PRKAR1B: variants seen among roughly 807,000 people sequenced by gnomAD.
The protein encoded by PRKAR1B is protein kinase cAMP-dependent type I regulatory subunit beta, also known as cAMP-dependent protein kinase type I-beta regulatory subunit.
In PRKAR1B, 22 loss-of-function variants were observed where a neutral mutation model predicts 46.5. That is an observed-to-expected ratio of 0.47 (90% CI 0.34 to 0.68). The LOEUF (loss-of-function observed/expected upper bound fraction) is 0.68, where lower values mean the gene tolerates loss of function less well. Ranked by LOEUF, PRKAR1B falls within the 30% of genes least tolerant of loss-of-function variation. The probability of loss-of-function intolerance (pLI) is 0.01; values close to 1 mark genes in which losing one functional copy is unlikely to be tolerated. For synonymous variants in PRKAR1B, 259 were observed against 217.7 expected, an observed-to-expected ratio of 1.19 and a Z score of -1.67; for missense variants, 445 against 535.6, an observed-to-expected ratio of 0.83 and a Z score of 1.67.
intron 6 of PRKAR1B, among the ~76,000 whole-genome samples, chr7:604,217 G>A (rs137932296): frequency 2.5e-4 from 38 of 152,342 alleles, no homozygotes; most frequent in Admixed American, 8.5e-4. Context: ...GATGCTGGCC[G>A]CATCCTCCTC....
Position 573,122 on chromosome 7 carries a change from C to T in PRKAR1B, c.891+6134G>A, listed in dbSNP as rs976218099. ...AATAAGCTGCGAAGCGCGTCGGTTC[C>T]GAGCCTCTGATCCCTGCACCCCGGG... On this transcript the variant is annotated intron_variant, in intron 9 of 10. Coordinates refer to ENST00000537384, the MANE Select transcript of PRKAR1B (RefSeq NM_001164760.2). Among the ~76,000 whole-genome samples, 7 of 152,188 alleles carry T rather than the reference C, an allele frequency of 4.6e-5. No individual in the cohort carries two copies. The East Asian group carries it at 5.8e-4, about 13-fold the overall frequency.
chr7:605,509 GTGTA>G (rs1781975003), intron 6 of PRKAR1B, among the ~76,000 whole-genome samples: 1 of 152,184 alleles, frequency 6.6e-6, no homozygotes, highest in South Asian at 2.1e-4. Flanking sequence ...CATGTGCCGT[GTGTA>G]TGTGTTTATT....
Position 550,590 on chromosome 7 carries a change from A to G in PRKAR1B, c.986T>C (p.Leu329Pro). 6.3e-7 allele frequency: 1 copy of G among 1,583,036 alleles called. No individual in the cohort carries two copies. Among genetic ancestry groups the G allele is most frequent in the East Asian group, 2.2e-5 (1 of 44,574 alleles). ...GPSDYFGEIALLLNRPRAATV... is the reference protein window; with the variant it reads ...GPSDYFGEIAPLLNRPRAATV... ...GGCCGCCCGGGGCCGGTTCAGCAGC[A>G]GTGCAATCTCCCCTGGGGGTTGAAG... Residue 329 changes from leucine to proline, a missense_variant, in exon 11 of 11, where the codon CTG becomes CCG. Around this residue, in one of 5 missense-constraint regions of PRKAR1B, gnomAD observed 127 missense variants for 138.0 expected, o/e 0.92. Coordinates refer to ENST00000537384, the MANE Select transcript of PRKAR1B (RefSeq NM_001164760.2).
At chr7:621,576 C>T (rs1196658298) in intron 4 of PRKAR1B, among the ~76,000 whole-genome samples, 3 of 152,218 alleles carry the variant, frequency 2.0e-5, no homozygotes, top group South Asian at 4.1e-4. Context: ...AATTCCTGAA[C>T]CCCCAGGATC....
chr7:662,387 T>C (rs1230633699), intron 4 of PRKAR1B, among the ~76,000 whole-genome samples: 155 of 37,380 alleles, frequency 4.1e-3, no homozygotes, highest in African/African-American at 4.8e-3. Context: ...TACCTACTCT[T>C]CCCTCCATGG....
intron 4 of PRKAR1B, among the ~76,000 whole-genome samples, chr7:659,263 A>C (rs1785369979): frequency 6.6e-6 from 1 of 152,212 alleles, no homozygotes; most frequent in Admixed American, 6.5e-5. Context: ...CAGTAAAGCC[A>C]GGTACGGTAG....
chr7:684,145 T>C (rs938254952), intron 2 of PRKAR1B, among the ~76,000 whole-genome samples: 5 of 151,104 alleles, frequency 3.3e-5, no homozygotes, highest in Admixed American at 6.6e-5. Context: ...TGCCCACCTC[T>C]GTGTACACCA....
chr7:684,675 G>A (rs1301047890), intron 2 of PRKAR1B, among the ~76,000 whole-genome samples: 1 of 152,192 alleles, frequency 6.6e-6, no homozygotes, highest in African/African-American at 2.4e-5. Flanking sequence ...TCGGAAGCCT[G>A]GGAGCCAGGC....
chr7:713,995 C>T (rs1554246532), intron 1 of PRKAR1B, among the ~76,000 whole-genome samples: 1 of 152,250 alleles, frequency 6.6e-6, no homozygotes, highest in Non-Finnish European at 1.5e-5. Flanking sequence ...CCACAACCCA[C>T]TCAGACCTCT....
intron 4 of PRKAR1B, among the ~76,000 whole-genome samples, chr7:642,636 A>G (rs1009786155): frequency 6.6e-6 from 1 of 150,752 alleles, no homozygotes. Flanking sequence ...GAGGCAGGAG[A>G]ATGGCGTGAA....
intron 4 of PRKAR1B, among the ~76,000 whole-genome samples, chr7:612,255 A>T (rs1189095262): frequency 7.0e-6 from 1 of 142,902 alleles, no homozygotes; most frequent in Non-Finnish European, 1.5e-5. Flanking sequence ...CAGGTGGGTG[A>T]GTAGATCAAC....
At chr7:689,363 C>A (rs1041856413) in intron 2 of PRKAR1B, among the ~76,000 whole-genome samples, 1 of 152,082 alleles carries the variant, frequency 6.6e-6, no homozygotes. Flanking sequence ...CCTTGTGATC[C>A]ACCCACCTCA....
intron 8 of PRKAR1B, among the ~76,000 whole-genome samples, chr7:582,172 C>T (rs1371297548): frequency 6.7e-6 from 1 of 148,982 alleles, no homozygotes; most frequent in South Asian, 2.1e-4. Flanking sequence ...CAGGGGGGAA[C>T]CCATCGTCAA....
chr7:662,022 C>T (rs1186718349), intron 4 of PRKAR1B, among the ~76,000 whole-genome samples: 4 of 61,388 alleles, frequency 6.5e-5, no homozygotes, highest in African/African-American at 7.3e-5. Context: ...CCCACCCCAA[C>T]GGATCCAAAT....
At chr7:716,200 G>A (rs369769851) in intron 1 of PRKAR1B, among the ~76,000 whole-genome samples, 2 of 149,542 alleles carry the variant, frequency 1.3e-5, no homozygotes, top group African/African-American at 2.5e-5. Context: ...GGTGCACACC[G>A]CCACACCTGG....
intron 4 of PRKAR1B, among the ~76,000 whole-genome samples, chr7:633,579 T>C (rs1377386207): frequency 6.6e-6 from 1 of 152,016 alleles, no homozygotes; most frequent in Non-Finnish European, 1.5e-5. Flanking sequence ...GCCGGGGCAA[T>C]ACAGCAAGAC....
chr7:614,914 A>T (rs1782717250), intron 4 of PRKAR1B, among the ~76,000 whole-genome samples: 1 of 152,000 alleles, frequency 6.6e-6, no homozygotes, highest in African/African-American at 2.4e-5. Context: ...TTTGTCTCAA[A>T]AAAGGTAAAA....
At chr7:688,095 CAAAAA>C (rs762256783) in intron 2 of PRKAR1B, among the ~76,000 whole-genome samples, 3 of 34,056 alleles carry the variant, frequency 8.8e-5, no homozygotes, top group South Asian at 1.0e-3. Context: ...CACTCCACCT[CAAAAA>C]AAAAAAAAAA....
chr7:587,338 G>C (rs1202803039), intron 7 of PRKAR1B, among the ~76,000 whole-genome samples: 1 of 152,244 alleles, frequency 6.6e-6, no homozygotes, highest in African/African-American at 2.4e-5. Flanking sequence ...GCCCTGGACA[G>C]GGGTGGGGGC....
Sources: allele counts gnomAD v4.1 joint callset (sites outside exome capture counted in the v4.1 genomes callset), GRCh38; gene constraint gnomAD v4.1.1; regional missense constraint gnomAD v4.1.1; transcripts MANE v1.5; gene names NCBI Gene and HGNC (gene_info 2026-07-23, HGNC 2026-07-21).